GNS: variants seen among roughly 807,000 people sequenced by gnomAD.
GNS encodes N-acetylglucosamine-6-sulfatase.
Under a neutral mutation model 69.7 loss-of-function variants are expected in GNS, and 40 were observed. That is an observed-to-expected ratio of 0.57 (90% CI 0.45 to 0.75). The LOEUF (loss-of-function observed/expected upper bound fraction) is 0.75, where lower values mean the gene tolerates loss of function less well. GNS is among the 30% of genes least tolerant of loss of function. The pLI, the probability that GNS is intolerant of heterozygous loss-of-function variation, is 0.00. For synonymous variants in GNS, 243 were observed against 251.6 expected (o/e 0.97, Z 0.32); for missense variants, 565 against 685.5 (o/e 0.82, Z 1.96).
At chr12:64,719,992 G>C in intron 13 of GNS, 30 bp downstream of exon 13, 6 of 1,574,698 alleles carry the variant, frequency 3.8e-6, no homozygotes, top group Non-Finnish European at 4.4e-6. Flanking sequence ...AAAAAACTTG[G>C]CCAAGTAAAT....
At chr12:64,757,328 TA>T (rs1015059881) in intron 1 of GNS, among the ~76,000 whole-genome samples, 7 of 152,208 alleles carry the variant, frequency 4.6e-5, no homozygotes, top group African/African-American at 1.4e-4. Flanking sequence ...TTTCAACACC[TA>T]AAAAAGCCTG....
chr12:64,740,416 A>C (rs1869695016), intron 7 of GNS, among the ~76,000 whole-genome samples, 190 bp downstream of exon 7: 1 of 152,166 alleles, frequency 6.6e-6, no homozygotes, highest in Non-Finnish European at 1.5e-5. Flanking sequence ...CTGGGGTCCA[A>C]ATGCCACCTC....
intron 9 of GNS, among the ~76,000 whole-genome samples, chr12:64,730,434 CAAAAAAAA>C (rs35692874): frequency 6.9e-5 from 3 of 43,386 alleles, no homozygotes; most frequent in Non-Finnish European, 1.2e-4. Context: ...ATATGAAAGG[CAAAAAAAA>C]AAAAAAAAAA....
chr12:64,720,270 A>T, intron 12 of GNS, 88 bp from the exon 13 acceptor site: 1 of 897,592 alleles, frequency 1.1e-6, no homozygotes, highest in Non-Finnish European at 1.9e-6. Context: ...CTAAAGGGGA[A>T]GGGAGGAGGT....
chr12:64,742,491 G>A lies in GNS; in HGVS notation c.792+650C>T, dbSNP rs533055853. ...ACATGAAAAAATGAAGTTAAGCATC[G>A]TGCTCATAGTCTGTACTGAGCTAGA... On this transcript the variant is annotated intron_variant, in intron 6 of 13. Coordinates refer to ENST00000258145, the MANE Select transcript of GNS (RefSeq NM_002076.4). Among the ~76,000 whole-genome samples, 7 of 152,258 alleles carry A rather than the reference G, an allele frequency of 4.6e-5. No individual in the cohort carries two copies. In the East Asian group the frequency reaches 5.8e-4, roughly 13 times the overall value.
At chr12:64,757,983 G>A (rs1254911439) in intron 1 of GNS, among the ~76,000 whole-genome samples, 1 of 152,206 alleles carries the variant, frequency 6.6e-6, no homozygotes, top group Non-Finnish European at 1.5e-5. Flanking sequence ...GCGAAGAGAG[G>A]AATGCTGAAC....
rs146147146 is a variant in GNS, at chr12:64,737,436, C to T, written c.995-329G>A. Among the ~76,000 whole-genome samples the T allele has an allele frequency of 5.6e-4, 86 of 152,330 alleles. 1 individual carries two copies. The Middle Eastern group carries it at 0.017, about 30-fold the overall frequency. On this transcript the variant is annotated intron_variant, in intron 8 of 13. Transcript: ENST00000258145. ...CCTCATCACAACTGAATGAAGTTTA[C>T]TCCAAAAACTGTCAAATGAACAAAA...
At chr12:64,738,359 T>C (rs531163123) in intron 8 of GNS, among the ~76,000 whole-genome samples, 3 of 152,296 alleles carry the variant, frequency 2.0e-5, no homozygotes, top group East Asian at 3.9e-4. Flanking sequence ...AATCCGGTGT[T>C]GAATCCTGGA....
chr12:64,738,075 T>C (rs1281174908), intron 8 of GNS, among the ~76,000 whole-genome samples: 1 of 151,792 alleles, frequency 6.6e-6, no homozygotes, highest in African/African-American at 2.4e-5. Flanking sequence ...AGTGGCACGA[T>C]CTTGGCTTAC....
chr12:64,750,889 G>C (rs1029629010), intron 2 of GNS, among the ~76,000 whole-genome samples: 1 of 152,136 alleles, frequency 6.6e-6, no homozygotes, highest in Non-Finnish European at 1.5e-5. Flanking sequence ...ATGGGCGGTA[G>C]AGTGAGACCC....
At chr12:64,737,876 A>G (rs781192004) in intron 8 of GNS, among the ~76,000 whole-genome samples, 2 of 152,264 alleles carry the variant, frequency 1.3e-5, no homozygotes, top group Non-Finnish European at 2.9e-5. Flanking sequence ...TTAAGGCACT[A>G]TAAGACAGCA....
chr12:64,721,926 G>T (rs760389958), intron 11 of GNS, among the ~76,000 whole-genome samples: 6 of 152,130 alleles, frequency 3.9e-5, no homozygotes, highest in Non-Finnish European at 8.8e-5. Flanking sequence ...GTAGACTGTT[G>T]CCATCCTTGT....
intron 13 of GNS, among the ~76,000 whole-genome samples, chr12:64,717,304 A>T (rs1365505161): frequency 6.6e-6 from 1 of 152,186 alleles, no homozygotes; most frequent in Non-Finnish European, 1.5e-5. Flanking sequence ...ATCATACAGC[A>T]AGACTGCTAA....
Position 64,716,825 on chromosome 12 carries a change from G to A in GNS, c.1581-6C>T. The A allele has an allele frequency of 6.3e-7, 1 of 1,588,516 alleles. No individual in the cohort carries two copies. The highest frequency in any genetic ancestry group is 8.6e-7 in the Non-Finnish European group (1 of 1,156,760). The stretch of plus-strand genomic sequence containing the variant: ...GACGGGGGTCAAACCTGTATCTGGG[G>A]AGGAAAAACCAAATGTAACATTAGC... On this transcript the variant is annotated splice_region_variant and splice_polypyrimidine_tract_variant and intron_variant, in intron 13 of 13. Coordinates refer to ENST00000258145, the MANE Select transcript of GNS (RefSeq NM_002076.4).
rs1251312459 is a variant in GNS at position 64,716,590 on chromosome 12, AGCTGACTGG to A, written c.*142_*150del. On this transcript the variant is annotated 3_prime_UTR_variant, in exon 14 of 14. Transcript: ENST00000258145. The stretch of plus-strand genomic sequence containing the variant: ...GTTTAACACATTGCACGAGGAAGTC[AGCTGACTGG>A]GTTGCTTTTTCAAACAGGACTTAAA... 3 of 691,688 alleles carry A rather than the reference AGCTGACTGG, an allele frequency of 4.3e-6. No individual in the cohort carries two copies. In the African/African-American group the frequency reaches 5.3e-5, roughly 12 times the overall value. 42.8% of individuals were successfully genotyped at this position (691,688 alleles called of 1,614,324 possible). A position where few individuals can be genotyped will look rare whatever the true frequency, so the allele number is the denominator to read the frequency against.
At chr12:64,751,893 C>G (rs1870087369) in intron 2 of GNS, among the ~76,000 whole-genome samples, 2 of 142,262 alleles carry the variant, frequency 1.4e-5, no homozygotes, top group South Asian at 2.1e-4. Context: ...AAGGCTGAGG[C>G]AGGAGAACTG....
At position 64,737,127 on chromosome 12, in the gene GNS, T is replaced by C. The variant is rs760767113; in HGVS notation, c.995-20A>G. ...ACTGTCCTGAAAACAAAACACACAA[T>C]GTAAAGATGGAGCCAAGACAGGAGC... On this transcript the variant is annotated intron_variant, in intron 8 of 13. Coordinates refer to ENST00000258145, the MANE Select transcript of GNS (RefSeq NM_002076.4). 7 of 1,222,214 alleles carry C rather than the reference T, an allele frequency of 5.7e-6. No individual in the cohort carries two copies. In the South Asian group the frequency reaches 8.4e-5, roughly 15 times the overall value. The allele number at this position is 1,222,214 out of a possible 1,614,324, so 75.7% of individuals were successfully genotyped here.
intron 8 of GNS, 127 bp from the exon 9 acceptor site, chr12:64,737,234 G>C: frequency 1.4e-6 from 1 of 695,318 alleles, no homozygotes; most frequent in South Asian, 1.5e-5. Flanking sequence ...TGTTTTAATA[G>C]AAAGCTGAAA....
Position 64,759,347 on chromosome 12 carries a change from A to C in GNS, c.-71T>G. ...GACGCACAGGTAGCTGAAGGGCGAG[A>C]GGCCGACCAGCCGAAGGAATAAAAA... On this transcript the variant is annotated 5_prime_UTR_variant, in exon 1 of 14. Transcript: ENST00000258145. 9.6e-7 allele frequency: 1 copy of C among 1,045,656 alleles called. No individual in the cohort carries two copies. Among genetic ancestry groups the C allele is most frequent in the Non-Finnish European group, 1.3e-6 (1 of 742,296 alleles). The allele number at this position is 1,045,656 out of a possible 1,614,324, so 64.8% of individuals were successfully genotyped here.
Sources: gnomAD v4.1 joint callset for allele counts (sites outside exome capture counted in the v4.1 genomes callset) on GRCh38, gnomAD v4.1.1 for gene constraint, MANE v1.5 for transcripts, NCBI Gene and HGNC (gene_info 2026-07-23, HGNC 2026-07-21) for gene names.